Variants in RNF150 observed in about 807,000 individuals in gnomAD.
The protein encoded by RNF150 is ring finger protein 150.
Under a neutral mutation model 39.3 loss-of-function variants are expected in RNF150, and 24 were observed. The ratio of observed to expected loss-of-function variants is 0.61; its 90% CI spans 0.44 to 0.86. The LOEUF is 0.86. RNF150 is among the 40% of genes least tolerant of loss of function. The pLI, the probability that RNF150 is intolerant of heterozygous loss-of-function variation, is 0.00. For synonymous variants in RNF150, 255 were observed against 227.3 expected (o/e 1.12, Z -1.10); for missense variants, 502 against 587.8 (o/e 0.85, Z 1.51).
chr4:141,004,651 A>G (rs909529484), intron 1 of RNF150, among the ~76,000 whole-genome samples: 6 of 152,190 alleles, frequency 3.9e-5, no homozygotes, highest in Non-Finnish European at 7.3e-5. Context: ...CATCAATTCT[A>G]TATCTTATAA....
At chr4:140,878,421 C>T (rs1298932985) in intron 6 of RNF150, among the ~76,000 whole-genome samples, 3 of 151,946 alleles carry the variant, frequency 2.0e-5, no homozygotes, top group African/African-American at 7.2e-5. Context: ...ATTCACCTGC[C>T]CTTGGCCTCC....
At chr4:141,141,859 G>T (rs1051539216) in intron 1 of RNF150, among the ~76,000 whole-genome samples, 1 of 152,268 alleles carries the variant, frequency 6.6e-6, no homozygotes, top group Admixed American at 6.5e-5. Flanking sequence ...TGAGAAAGAT[G>T]ACACCAGTGT....
intron 1 of RNF150, among the ~76,000 whole-genome samples, chr4:141,145,042 A>T (rs1162753342): frequency 6.6e-6 from 1 of 152,182 alleles, no homozygotes; most frequent in Non-Finnish European, 1.5e-5. Context: ...TTAAAATACA[A>T]TCTTGGTCAT....
At chr4:141,007,378 A>G (rs1193459729) in intron 1 of RNF150, among the ~76,000 whole-genome samples, 1 of 152,198 alleles carries the variant, frequency 6.6e-6, no homozygotes, top group Non-Finnish European at 1.5e-5. Flanking sequence ...GCCCTGTTAG[A>G]TATATAACTT....
chr4:141,186,647 C>T (rs1728018509), intron 1 of RNF150, among the ~76,000 whole-genome samples: 1 of 151,996 alleles, frequency 6.6e-6, no homozygotes, highest in South Asian at 2.1e-4. Context: ...CCTAGTGATC[C>T]ACCTGCCTCA....
At chr4:141,023,534 G>A (rs1030909594) in intron 1 of RNF150, among the ~76,000 whole-genome samples, 6 of 148,178 alleles carry the variant, frequency 4.0e-5, no homozygotes, top group Non-Finnish European at 7.4e-5. Context: ...GATTACAGGC[G>A]TGAGTCTCCG....
At chr4:141,151,409 GACACACACACACACACACACACACAC>G (rs869289733) in intron 1 of RNF150, among the ~76,000 whole-genome samples, 2 of 121,916 alleles carry the variant, frequency 1.6e-5, no homozygotes, top group Admixed American at 9.5e-5. Flanking sequence ...CATCTCTACA[GACACACACACACACACACACACACAC>G]ACACACACAC....
chr4:141,114,797 G>T (rs1033331434), intron 1 of RNF150, among the ~76,000 whole-genome samples: 1 of 152,102 alleles, frequency 6.6e-6, no homozygotes, highest in African/African-American at 2.4e-5. Context: ...TACACACCAC[G>T]ATCAAGTCAG....
intron 1 of RNF150, among the ~76,000 whole-genome samples, chr4:141,148,965 T>C (rs1322941518): frequency 6.6e-6 from 1 of 152,142 alleles, no homozygotes; most frequent in Non-Finnish European, 1.5e-5. Context: ...GAGCCTGTCT[T>C]TATTGAAGTC....
intron 1 of RNF150, among the ~76,000 whole-genome samples, chr4:141,081,645 TCCA>T (rs1274624004): frequency 6.6e-6 from 1 of 152,336 alleles, no homozygotes; most frequent in Admixed American, 6.5e-5. Context: ...GTCTGTGAGG[TCCA>T]CAATATTTTA....
At chr4:140,999,829 T>G (rs112791039) in intron 1 of RNF150, among the ~76,000 whole-genome samples, 11,242 of 150,524 alleles carry the variant, frequency 0.075, 480 homozygotes, top group Middle Eastern at 0.16. Context: ...CAGCTACTCA[T>G]GAGGCTGAGG....
At chr4:141,023,657 TAA>T (rs1735584476) in intron 1 of RNF150, among the ~76,000 whole-genome samples, 1 of 152,224 alleles carries the variant, frequency 6.6e-6, no homozygotes, top group Non-Finnish European at 1.5e-5. Context: ...CTTTTTATAC[TAA>T]GTCTTCAAAA....
At chr4:140,916,977 C>T (rs1025740143) in intron 5 of RNF150, among the ~76,000 whole-genome samples, 262 of 152,264 alleles carry the variant, frequency 1.7e-3, no homozygotes, top group Middle Eastern at 0.01. Context: ...AAATCCTTTA[C>T]AGACAAGCAA....
intron 1 of RNF150, among the ~76,000 whole-genome samples, chr4:141,205,887 T>C (rs913862184): frequency 6.6e-6 from 1 of 152,136 alleles, no homozygotes; most frequent in African/African-American, 2.4e-5. Context: ...GTTGTTCAAT[T>C]AAAAAGAGTT....
At chr4:141,205,843 G>C (rs1161310274) in intron 1 of RNF150, among the ~76,000 whole-genome samples, 1 of 152,138 alleles carries the variant, frequency 6.6e-6, no homozygotes, top group African/African-American at 2.4e-5. Flanking sequence ...ATGTGTGTTT[G>C]TGTATGTGTG....
chr4:140,917,767 C>A (rs6857613), intron 5 of RNF150, among the ~76,000 whole-genome samples: 82,833 of 150,268 alleles, frequency 0.55, 23,295 homozygotes, highest in East Asian at 0.89. Flanking sequence ...CACACCTATT[C>A]CAAAATTGAC....
intron 1 of RNF150, among the ~76,000 whole-genome samples, chr4:141,127,547 A>G (rs896995787): frequency 2.6e-5 from 4 of 152,216 alleles, no homozygotes; most frequent in Admixed American, 2.6e-4. Context: ...GAATCCATAC[A>G]TTGAACTCTG....
chr4:140,885,766 C>A (rs1416220201), intron 6 of RNF150, among the ~76,000 whole-genome samples: 1 of 151,968 alleles, frequency 6.6e-6, no homozygotes, highest in Admixed American at 6.6e-5. Flanking sequence ...TCATGCCCAG[C>A]CAATTTTTAT....
chr4:141,122,178 G>A (rs562322168), intron 1 of RNF150, among the ~76,000 whole-genome samples: 5 of 152,186 alleles, frequency 3.3e-5, no homozygotes, highest in African/African-American at 1.2e-4. Flanking sequence ...ACTGAAACCC[G>A]AGTTTCCTAA....
Sources: allele counts gnomAD v4.1 joint callset (sites outside exome capture counted in the v4.1 genomes callset), GRCh38; gene constraint gnomAD v4.1.1; transcripts MANE v1.5; gene names NCBI Gene and HGNC (gene_info 2026-07-23, HGNC 2026-07-21).